DRC8: variants seen among roughly 807,000 people sequenced by gnomAD.
DRC8 encodes dynein regulatory complex protein 8.
chr1:245,082,192 A>G, the DRC8 span: 1 of 1,549,024 alleles, frequency 6.5e-7, no homozygotes, highest in African/African-American at 1.4e-5. Context: ...TGTTAAGGCA[A>G]AGTAATGGTC....
the DRC8 span, among the ~76,000 whole-genome samples, chr1:244,982,399 G>A: frequency 7.9e-5 from 12 of 152,156 alleles, no homozygotes; most frequent in African/African-American, 1.7e-4. Context: ...GCTTGGTGAC[G>A]CATGCCTGTA....
chr1:245,029,426 T>G, the DRC8 span, among the ~76,000 whole-genome samples: 1 of 152,066 alleles, frequency 6.6e-6, no homozygotes, highest in African/African-American at 2.4e-5. Context: ...GCCTCCCAAG[T>G]AGCTGGGATT....
the DRC8 span, among the ~76,000 whole-genome samples, chr1:245,036,600 A>C: frequency 9.8e-5 from 15 of 152,348 alleles, no homozygotes; most frequent in African/African-American, 3.4e-4. Context: ...CATGTCAATC[A>C]GGTGATGAAT....
chr1:245,061,248 G>A, the DRC8 span, among the ~76,000 whole-genome samples: 2 of 152,144 alleles, frequency 1.3e-5, no homozygotes, highest in Non-Finnish European at 2.9e-5. Context: ...TTTAATAACC[G>A]AGGAATCAAC....
At chr1:245,046,713 T>A in the DRC8 span, among the ~76,000 whole-genome samples, 1 of 152,150 alleles carries the variant, frequency 6.6e-6, no homozygotes, top group Admixed American at 6.5e-5. Flanking sequence ...AATTTGGAAG[T>A]CCTTTTGAAA....
At chr1:245,046,928 T>G in the DRC8 span, among the ~76,000 whole-genome samples, 1 of 152,340 alleles carries the variant, frequency 6.6e-6, no homozygotes, top group East Asian at 1.9e-4. Context: ...TGCCTTGAGC[T>G]GAGGTCAGTG....
chr1:244,989,710 T>G, the DRC8 span, among the ~76,000 whole-genome samples: 1 of 152,182 alleles, frequency 6.6e-6, no homozygotes, highest in African/African-American at 2.4e-5. Context: ...TCAAGGAGTA[T>G]GGAGTTATGC....
the DRC8 span, among the ~76,000 whole-genome samples, chr1:245,004,423 C>T: frequency 6.8e-6 from 1 of 146,504 alleles, no homozygotes; most frequent in African/African-American, 2.5e-5. Context: ...TAGAATGATA[C>T]TTTTTTTTTT....
chr1:245,080,338 T>G, the DRC8 span, among the ~76,000 whole-genome samples: 3 of 152,196 alleles, frequency 2.0e-5, no homozygotes, highest in Admixed American at 6.5e-5. Context: ...CAGGGATCTG[T>G]TTTGTTCTCA....
chr1:245,123,915 A>G, the DRC8 span: 4 of 151,808 alleles, frequency 2.6e-5, no homozygotes, highest in Non-Finnish European at 4.4e-5. This position sits in a 1 kb window ranked among gnomAD's most constrained non-coding sequence, Gnocchi z 5.0. Flanking sequence ...ATATATATAT[A>G]TATATATTTA....
At chr1:245,056,690 C>T in the DRC8 span, among the ~76,000 whole-genome samples, 1 of 152,140 alleles carries the variant, frequency 6.6e-6, no homozygotes, top group Non-Finnish European at 1.5e-5. Context: ...GTAATCCCAG[C>T]ACTTTGGGAG....
the DRC8 span, among the ~76,000 whole-genome samples, chr1:245,057,724 A>G: frequency 6.6e-6 from 1 of 151,826 alleles, no homozygotes; most frequent in East Asian, 1.9e-4. Flanking sequence ...ATACCTGCAT[A>G]CAATGTGTAA....
the DRC8 span, among the ~76,000 whole-genome samples, chr1:245,046,446 C>G: frequency 1.3e-5 from 2 of 152,160 alleles, no homozygotes; most frequent in East Asian, 3.9e-4. Flanking sequence ...TGAGGCTGAA[C>G]TGTTAGCAAT....
chr1:245,113,965 T>C, the DRC8 span, among the ~76,000 whole-genome samples: 7 of 152,236 alleles, frequency 4.6e-5, no homozygotes, highest in African/African-American at 7.2e-5. Context: ...ATTGGTACAC[T>C]GTGATGTCCA....
chr1:245,069,694 G>A, the DRC8 span, among the ~76,000 whole-genome samples: 2 of 152,178 alleles, frequency 1.3e-5, no homozygotes, highest in African/African-American at 4.8e-5. Flanking sequence ...GTTCTAGAGA[G>A]CTGTTACACA....
At chr1:245,026,089 T>G in the DRC8 span, among the ~76,000 whole-genome samples, 1 of 152,240 alleles carries the variant, frequency 6.6e-6, no homozygotes, top group Non-Finnish European at 1.5e-5. Context: ...TAATATTTTC[T>G]TAATCTTTAG....
the DRC8 span, among the ~76,000 whole-genome samples, chr1:245,027,819 T>C: frequency 3.3e-5 from 5 of 152,112 alleles, no homozygotes; most frequent in South Asian, 1.0e-3. Flanking sequence ...CTCATTTTTT[T>C]CTCCATCCTT....
At chr1:245,073,056 G>A in the DRC8 span, among the ~76,000 whole-genome samples, 1 of 152,168 alleles carries the variant, frequency 6.6e-6, no homozygotes, top group Non-Finnish European at 1.5e-5. Context: ...TACAAGAACA[G>A]CCTAATACAA....
the DRC8 span, among the ~76,000 whole-genome samples, chr1:245,085,511 A>G: frequency 6.6e-6 from 1 of 152,116 alleles, no homozygotes; most frequent in East Asian, 1.9e-4. Context: ...TGAACATGCT[A>G]TTTCAGAGAG....
Sources: gnomAD v4.1 joint callset for allele counts (sites outside exome capture counted in the v4.1 genomes callset) on GRCh38, gnomAD v4.1.1 for gene constraint, Gnocchi (gnomAD v3.1) non-coding constraint, MANE v1.5 for transcripts, NCBI Gene and HGNC (gene_info 2026-07-23, HGNC 2026-07-21) for gene names.